Variants in KIAA1217 observed in about 807,000 individuals in gnomAD.
KIAA1217 encodes the protein KIAA1217.
Under a neutral mutation model 163.9 loss-of-function variants are expected in KIAA1217, and 88 were observed. The observed-to-expected ratio is 0.54, with a 90% CI of 0.45 to 0.64. The LOEUF is 0.64. Among genes scored for constraint, KIAA1217 ranks in the 30% least tolerant of loss-of-function variants. The pLI, the probability that KIAA1217 is intolerant of heterozygous loss-of-function variation, is 0.00. For synonymous variants in KIAA1217, 903 were observed against 923.1 expected, an observed-to-expected ratio of 0.98 and a Z score of 0.39; for missense variants, 2,372 against 2,475.0, an observed-to-expected ratio of 0.96 and a Z score of 0.88.
chr10:24,073,971 G>A (rs2131635440), intron 2 of KIAA1217, among the ~76,000 whole-genome samples: 2 of 152,190 alleles, frequency 1.3e-5, no homozygotes, highest in South Asian at 4.1e-4. Context: ...GATACATTGT[G>A]TACTGCAGTA....
At chr10:23,962,803 CT>C (rs1844873147) in intron 1 of KIAA1217, among the ~76,000 whole-genome samples, 1 of 152,138 alleles carries the variant, frequency 6.6e-6, no homozygotes, top group Non-Finnish European at 1.5e-5. Flanking sequence ...AAAAAGATAA[CT>C]GACTTGAAGC....
At chr10:24,046,123 T>C (rs941996716) in intron 2 of KIAA1217, among the ~76,000 whole-genome samples, 3 of 151,908 alleles carry the variant, frequency 2.0e-5, no homozygotes, top group African/African-American at 7.3e-5. Flanking sequence ...ATTTTAGTTA[T>C]GTTTAACTTT....
At chr10:24,501,631 A>C (rs1564810325) in intron 9 of KIAA1217, 86 bp downstream of exon 9, 3 of 1,260,606 alleles carry the variant, frequency 2.4e-6, no homozygotes, top group Non-Finnish European at 3.3e-6. Context: ...GAAGACCTAG[A>C]GAATGTAGAA....
intron 2 of KIAA1217, among the ~76,000 whole-genome samples, chr10:24,156,216 T>G (rs959825111): frequency 3.3e-5 from 5 of 152,222 alleles, no homozygotes; most frequent in African/African-American, 4.8e-5. Flanking sequence ...GTAAATGGTA[T>G]CATACATACT....
intron 1 of KIAA1217, among the ~76,000 whole-genome samples, chr10:23,967,551 A>T (rs548451933): frequency 6.6e-6 from 1 of 152,290 alleles, no homozygotes; most frequent in East Asian, 1.9e-4. Flanking sequence ...TTTAAAGTGG[A>T]AGTGTATTCA....
chr10:24,055,956 TTA>T (rs1491539449), intron 2 of KIAA1217, among the ~76,000 whole-genome samples: 5 of 147,184 alleles, frequency 3.4e-5, no homozygotes, highest in African/African-American at 1.3e-4. Flanking sequence ...AACACTAAAT[TTA>T]AAAAAAAAAA....
Position 23,847,376 on chromosome 10 carries a change from G to C in KIAA1217, c.-321+152142G>C, listed in dbSNP as rs138221755. Among the ~76,000 whole-genome samples the C allele has an allele frequency of 9.2e-3, 1,383 of 150,534 alleles. 21 individuals are homozygous for C. The highest frequency in any genetic ancestry group is 0.032 in the African/African-American group (1,318 of 41,290). On this transcript the variant is annotated intron_variant, in intron 1 of 18. Coordinates refer to the KIAA1217 transcript ENST00000376462. ...ATTCGGTCTCGTCCTAGACTTTTTAGGCTATTAATTACTGCCTCAATTTCA... is the reference window on the plus strand; with the variant it reads ...ATTCGGTCTCGTCCTAGACTTTTTACGCTATTAATTACTGCCTCAATTTCA...
intron 5 of KIAA1217, among the ~76,000 whole-genome samples, chr10:24,471,886 CAAA>C (rs749624402): frequency 7.7e-4 from 36 of 46,942 alleles, no homozygotes; most frequent in African/African-American, 2.5e-3. Context: ...GACTCCATCT[CAAA>C]AAAAAAAAAA....
At chr10:23,906,298 G>C (rs1044411554) in intron 1 of KIAA1217, among the ~76,000 whole-genome samples, 1 of 150,916 alleles carries the variant, frequency 6.6e-6, no homozygotes, top group East Asian at 2.0e-4. Flanking sequence ...ACACAAACAC[G>C]TACACACCCC....
chr10:23,886,224 G>A (rs1331130275), intron 1 of KIAA1217, among the ~76,000 whole-genome samples: 2 of 151,886 alleles, frequency 1.3e-5, no homozygotes, highest in Non-Finnish European at 2.9e-5. Context: ...GTAGCCAAGT[G>A]TTCCTCTTAT....
intron 1 of KIAA1217, among the ~76,000 whole-genome samples, chr10:23,981,519 C>T (rs1054008225): frequency 2.6e-5 from 4 of 152,280 alleles, no homozygotes; most frequent in Middle Eastern, 3.4e-3. Context: ...CATGTCTATA[C>T]GCAAGTGAGG....
intron 1 of KIAA1217, among the ~76,000 whole-genome samples, chr10:23,810,364 G>T: frequency 7.0e-6 from 1 of 143,648 alleles, no homozygotes; most frequent in Middle Eastern, 3.8e-3. Flanking sequence ...ATTATATATA[G>T]TATATATTCT....
chr10:24,357,522 C>G (rs1015447834), intron 2 of KIAA1217, among the ~76,000 whole-genome samples: 1 of 152,170 alleles, frequency 6.6e-6, no homozygotes, highest in African/African-American at 2.4e-5. Flanking sequence ...AGCTTAATTC[C>G]CCTGCAGCAG....
intron 2 of KIAA1217, among the ~76,000 whole-genome samples, chr10:24,332,966 G>A (rs1340255027): frequency 6.6e-6 from 1 of 152,132 alleles, no homozygotes; most frequent in Non-Finnish European, 1.5e-5. Flanking sequence ...CAGAAATAAT[G>A]TAGTAGAAGG....
chr10:24,527,080 G>A (rs1011472618), intron 13 of KIAA1217, among the ~76,000 whole-genome samples: 12 of 152,004 alleles, frequency 7.9e-5, no homozygotes, highest in Non-Finnish European at 1.2e-4. Context: ...GTATGCAGAT[G>A]TTTTAAAATG....
At chr10:23,713,866 C>G (rs1216361479) in intron 1 of KIAA1217, among the ~76,000 whole-genome samples, 5 of 152,114 alleles carry the variant, frequency 3.3e-5, no homozygotes, top group African/African-American at 4.8e-5. Flanking sequence ...CATTTATAAC[C>G]TTGACTTCAA....
At chr10:24,360,840 ATCTCCTGTTTT>A (rs897324755) in intron 2 of KIAA1217, among the ~76,000 whole-genome samples, 5 of 151,792 alleles carry the variant, frequency 3.3e-5, no homozygotes, top group African/African-American at 7.2e-5. Context: ...CTCAAATCAA[ATCTCCTGTTTT>A]TCTCCTGTTG....
At chr10:24,245,623 T>C (rs1254475302) in intron 2 of KIAA1217, among the ~76,000 whole-genome samples, 11 of 151,216 alleles carry the variant, frequency 7.3e-5, no homozygotes, top group Admixed American at 6.6e-4. Context: ...TTTTCTCCCC[T>C]TCCCCTTCCC....
At chr10:24,226,398 G>A (rs936953472) in intron 2 of KIAA1217, among the ~76,000 whole-genome samples, 6 of 152,168 alleles carry the variant, frequency 3.9e-5, no homozygotes, top group East Asian at 1.9e-4. Flanking sequence ...AGGCTAAGGC[G>A]GGCAGATCAC....
Sources: allele counts gnomAD v4.1 joint callset (sites outside exome capture counted in the v4.1 genomes callset), GRCh38; gene constraint gnomAD v4.1.1; transcripts MANE v1.5; gene names NCBI Gene and HGNC (gene_info 2026-07-23, HGNC 2026-07-21).